The following FHL5 variants were observed in gnomAD, a reference collection of about 807,000 sequenced individuals.
The protein encoded by FHL5 is four and a half LIM domains protein 5.
A neutral mutation model predicts 32.0 loss-of-function variants in FHL5; 33 were observed. That is an observed-to-expected ratio of 1.03 (90% CI 0.78 to 1.38). FHL5 has a LOEUF of 1.38. Ranked by LOEUF, FHL5 falls within the 40% of genes most tolerant of loss-of-function variation. The probability of loss-of-function intolerance (pLI) is 0.00; values close to 1 mark genes in which losing one functional copy is unlikely to be tolerated. For synonymous variants in FHL5, 114 were observed against 113.6 expected, an observed-to-expected ratio of 1.00 and a Z score of -0.02; for missense variants, 336 against 343.9, an observed-to-expected ratio of 0.98 and a Z score of 0.18.
At chr6:96,600,222 G>A (rs572122859) in intron 1 of FHL5, among the ~76,000 whole-genome samples, 1 of 152,282 alleles carries the variant, frequency 6.6e-6, no homozygotes, top group South Asian at 2.1e-4. Context: ...CAAATCAAAA[G>A]CTTGTTACTC....
At chr6:96,593,840 T>C (rs1361086129) in intron 1 of FHL5, among the ~76,000 whole-genome samples, 3 of 152,138 alleles carry the variant, frequency 2.0e-5, no homozygotes, top group Non-Finnish European at 2.9e-5. Context: ...ACTTTTTAAG[T>C]ACACTTTTTA....
At chr6:96,577,402 C>T (rs1770606174) in intron 1 of FHL5, among the ~76,000 whole-genome samples, 1 of 152,070 alleles carries the variant, frequency 6.6e-6, no homozygotes, top group Middle Eastern at 3.4e-3. Context: ...TACACATTCT[C>T]ACAAATACAT....
chr6:96,606,086 A>T lies in FHL5; in HGVS notation c.504+15A>T. ...TTTGTAAGAAGGTAATTTTCTAAAG[A>T]GGGTGAAGCTTGTGGAAACTCAGAC... On this transcript the variant is annotated intron_variant, in intron 4 of 5. Transcript: ENST00000450218. The T allele has an allele frequency of 6.2e-7, 1 of 1,609,764 alleles. No individual in the cohort carries two copies. The highest frequency in any genetic ancestry group is 8.5e-7 in the Non-Finnish European group (1 of 1,176,474).
intron 1 of FHL5, among the ~76,000 whole-genome samples, chr6:96,594,277 ATG>A (rs1770990878): frequency 1.6e-5 from 2 of 128,248 alleles, no homozygotes; most frequent in Non-Finnish European, 3.3e-5. Flanking sequence ...ATATATATGT[ATG>A]TATGTATTTA....
At chr6:96,576,617 G>C (rs1312215576) in intron 1 of FHL5, among the ~76,000 whole-genome samples, 1 of 152,192 alleles carries the variant, frequency 6.6e-6, no homozygotes, top group Non-Finnish European at 1.5e-5. Flanking sequence ...TATATATTCA[G>C]GGAGCTGTTT....
intron 3 of FHL5, among the ~76,000 whole-genome samples, chr6:96,605,274 C>T (rs774443981): frequency 2.6e-5 from 4 of 152,150 alleles, no homozygotes; most frequent in Admixed American, 6.5e-5. Context: ...TCATCATAGG[C>T]GATTGGGGCC....
chr6:96,598,894 C>A (rs189388476), intron 1 of FHL5, among the ~76,000 whole-genome samples: 1 of 152,086 alleles, frequency 6.6e-6, no homozygotes. Flanking sequence ...GTTTTTCAAA[C>A]GCATTAATAA....
intron 1 of FHL5, among the ~76,000 whole-genome samples, chr6:96,596,601 T>C (rs147125096): frequency 0.013 from 1,764 of 137,586 alleles, 33 homozygotes; most frequent in African/African-American, 0.041. Context: ...TATCCGTGAG[T>C]TTGTATTTTA....
chr6:96,602,561 C>A (rs1223547891), intron 1 of FHL5, among the ~76,000 whole-genome samples: 1 of 149,666 alleles, frequency 6.7e-6, no homozygotes, highest in East Asian at 2.0e-4. Flanking sequence ...ATTCTTCTGC[C>A]TCAGCCTCCC....
intron 1 of FHL5, among the ~76,000 whole-genome samples, chr6:96,578,037 C>A (rs1413560811): frequency 6.6e-6 from 1 of 151,838 alleles, no homozygotes; most frequent in Admixed American, 6.6e-5. Context: ...TTTCAAAAAT[C>A]CCTCCCAGCT....
chr6:96,596,294 A>G (rs1488158965), intron 1 of FHL5, among the ~76,000 whole-genome samples: 3 of 152,050 alleles, frequency 2.0e-5, no homozygotes, highest in East Asian at 3.9e-4. Context: ...CAGTTCGGCA[A>G]CACATTTTAT....
Position 96,610,580 on chromosome 6 carries a change from T to G in FHL5, c.513T>G (p.Thr171=). ...TCTGTGGTCTTTGGCAGGTGATAACTTCAGGTGGGATAACATTTTGTGACC... is the reference window on the plus strand; with the variant it reads ...TCTGTGGTCTTTGGCAGGTGATAACGTCAGGTGGGATAACATTTTGTGACC... ...HYCNFCKKVI[T]SGGITFCDQL... Residue 171 remains threonine (T), a synonymous_variant, in exon 5 of 6, where the codon ACT becomes ACG. Coordinates refer to ENST00000450218, the MANE Select transcript of FHL5 (RefSeq NM_001322466.2). 1 of 1,613,502 alleles carries G rather than the reference T, an allele frequency of 6.2e-7. No homozygotes were observed. Among genetic ancestry groups the G allele is most frequent in the South Asian group, 1.1e-5 (1 of 91,032 alleles).
At chr6:96,577,012 C>T (rs1344436415) in intron 1 of FHL5, among the ~76,000 whole-genome samples, 1 of 152,154 alleles carries the variant, frequency 6.6e-6, no homozygotes, top group Non-Finnish European at 1.5e-5. Context: ...CATACAACTG[C>T]TGAGTGAAAG....
chr6:96,602,352 T>A (rs1771165500), intron 1 of FHL5, among the ~76,000 whole-genome samples: 1 of 149,506 alleles, frequency 6.7e-6, no homozygotes, highest in Admixed American at 6.7e-5. Flanking sequence ...AAAGCAGTGC[T>A]AATTTTTTTT....
At chr6:96,607,790 C>G (rs1771316037) in intron 4 of FHL5, among the ~76,000 whole-genome samples, 1 of 151,714 alleles carries the variant, frequency 6.6e-6, no homozygotes, top group Non-Finnish European at 1.5e-5. Context: ...CAAGACCAGC[C>G]TGGGCAACAT....
chr6:96,597,314 G>A lies in FHL5; in HGVS notation c.-12-6288G>A, dbSNP rs1250127600. Among the ~76,000 whole-genome samples the A allele has an allele frequency of 2.0e-5, 3 of 151,754 alleles. No homozygotes were observed. In the East Asian group the frequency reaches 5.8e-4, roughly 29 times the overall value. The stretch of plus-strand genomic sequence containing the variant: ...TATTTTTATGATTTGTTTATTTAAT[G>A]AATTTTCCCTTAAGGGGAATAGCTC... On this transcript the variant is annotated intron_variant, in intron 1 of 5. Coordinates refer to ENST00000450218, the MANE Select transcript of FHL5 (RefSeq NM_001322466.2).
intron 1 of FHL5, among the ~76,000 whole-genome samples, chr6:96,597,994 A>G (rs568743034): frequency 6.6e-6 from 1 of 152,164 alleles, no homozygotes; most frequent in African/African-American, 2.4e-5. Context: ...AGATCCACAT[A>G]CAGTAGTTGA....
Position 96,615,989 on chromosome 6 carries a change from C to A in FHL5, c.*217C>A. 1 of 364,704 alleles carries A rather than the reference C, an allele frequency of 2.7e-6. No homozygotes were observed. The highest frequency in any genetic ancestry group is 4.9e-6 in the Non-Finnish European group (1 of 203,784). 22.6% of individuals were successfully genotyped at this position (364,704 alleles called of 1,614,324 possible). A position where few individuals can be genotyped will look rare whatever the true frequency, so the allele number is the denominator to read the frequency against. The stretch of plus-strand genomic sequence containing the variant: ...ATGCTAAATCACAAAGACAACTCTC[C>A]TTGCAAAATACTGCACTCTGCTGTT... On this transcript the variant is annotated 3_prime_UTR_variant, in exon 6 of 6. Coordinates refer to ENST00000450218, the MANE Select transcript of FHL5 (RefSeq NM_001322466.2).
chr6:96,583,610 C>T (rs1457831527), intron 1 of FHL5, among the ~76,000 whole-genome samples: 1 of 152,016 alleles, frequency 6.6e-6, no homozygotes, highest in African/African-American at 2.4e-5. Flanking sequence ...CTCATTGGTG[C>T]CCGAAGTTTA....
Sources: allele counts gnomAD v4.1 joint callset (sites outside exome capture counted in the v4.1 genomes callset), GRCh38; gene constraint gnomAD v4.1.1; transcripts MANE v1.5; gene names NCBI Gene and HGNC (gene_info 2026-07-23, HGNC 2026-07-21).